The following NOL4 variants were observed in gnomAD, a reference collection of about 807,000 sequenced individuals.
NOL4 encodes the protein cancer/testis antigen 125.
NOL4 carries 17 observed loss-of-function variants against 75.9 expected under a neutral mutation model. The ratio of observed to expected loss-of-function variants is 0.22; its 90% CI spans 0.15 to 0.34. The LOEUF (loss-of-function observed/expected upper bound fraction) is 0.34, where lower values mean the gene tolerates loss of function less well. Ranked by LOEUF, NOL4 falls within the 10% of genes least tolerant of loss-of-function variation. The pLI, the probability that NOL4 is intolerant of heterozygous loss-of-function variation, is 1.00. For synonymous variants in NOL4, 292 were observed against 289.9 expected, an observed-to-expected ratio of 1.01 and a Z score of -0.07; for missense variants, 614 against 793.5, an observed-to-expected ratio of 0.77 and a Z score of 2.72.
chr18:33,872,334 C>A (rs1001880900), intron 10 of NOL4, among the ~76,000 whole-genome samples: 8 of 151,960 alleles, frequency 5.3e-5, no homozygotes, highest in Non-Finnish European at 1.0e-4. Flanking sequence ...ATAACTCACA[C>A]TGGGATTAGT....
intron 9 of NOL4, among the ~76,000 whole-genome samples, chr18:33,890,670 T>C (rs2065040146): frequency 6.6e-6 from 1 of 152,136 alleles, no homozygotes; most frequent in African/African-American, 2.4e-5. Context: ...AAACAATATA[T>C]GTTTCCTTTT....
chr18:34,128,916 T>C, intron 2 of NOL4: 1 of 927,482 alleles, frequency 1.1e-6, no homozygotes, highest in Non-Finnish European at 1.3e-6. Flanking sequence ...TCCAGACTGA[T>C]ATTGTATATC....
intron 5 of NOL4, among the ~76,000 whole-genome samples, chr18:34,070,188 C>T (rs907030029): frequency 6.6e-6 from 1 of 152,208 alleles, no homozygotes; most frequent in Non-Finnish European, 1.5e-5. Flanking sequence ...CCTGCCACTG[C>T]GCCCAGCTAA....
chr18:33,931,444 G>A (rs578201428), intron 9 of NOL4, among the ~76,000 whole-genome samples: 1 of 152,202 alleles, frequency 6.6e-6, no homozygotes, highest in Non-Finnish European at 1.5e-5. Flanking sequence ...ATTTTTTAAA[G>A]TAGTGTCTGA....
intron 2 of NOL4, among the ~76,000 whole-genome samples, chr18:34,115,314 A>T (rs2079801348): frequency 6.6e-6 from 1 of 152,098 alleles, no homozygotes; most frequent in African/African-American, 2.4e-5. Flanking sequence ...TGGGCCAGTC[A>T]CATCCACCAT....
intron 1 of NOL4, among the ~76,000 whole-genome samples, chr18:34,156,099 C>G (rs1201638434): frequency 6.6e-6 from 1 of 152,074 alleles, no homozygotes; most frequent in East Asian, 1.9e-4. Flanking sequence ...TCTTCTGATT[C>G]TTAGTCTTAC....
intron 5 of NOL4, among the ~76,000 whole-genome samples, chr18:34,062,275 C>T (rs907585843): frequency 2.0e-5 from 3 of 151,584 alleles, no homozygotes; most frequent in African/African-American, 7.3e-5. Flanking sequence ...AACAGAAAGA[C>T]TCAAAGGAAC....
At chr18:34,218,827 C>T (rs2037095358) in intron 1 of NOL4, among the ~76,000 whole-genome samples, 1 of 152,178 alleles carries the variant, frequency 6.6e-6, no homozygotes, top group Admixed American at 6.5e-5. Context: ...TGATAAATAA[C>T]TGGGTCTGTA....
intron 1 of NOL4, among the ~76,000 whole-genome samples, chr18:34,179,515 G>GA (rs1004364069): frequency 1.3e-5 from 2 of 150,596 alleles, no homozygotes; most frequent in Middle Eastern, 3.4e-3. Flanking sequence ...CTAAAAGAAT[G>GA]AAAAAAAAGT....
chr18:34,080,604 T>G (rs949373967), intron 5 of NOL4, among the ~76,000 whole-genome samples: 4 of 152,214 alleles, frequency 2.6e-5, no homozygotes, highest in Non-Finnish European at 5.9e-5. Flanking sequence ...GCTGGGCCAC[T>G]GCTACGTCCA....
At chr18:33,943,544 C>A (rs894041102) in intron 8 of NOL4, among the ~76,000 whole-genome samples, 68 of 151,604 alleles carry the variant, frequency 4.5e-4, no homozygotes, top group African/African-American at 1.2e-3. Context: ...ACAAAAAAAA[C>A]CAAAACAAAA....
chr18:34,054,789 T>C (rs868489081), intron 5 of NOL4, among the ~76,000 whole-genome samples: 3 of 151,830 alleles, frequency 2.0e-5, no homozygotes, highest in African/African-American at 7.2e-5. Flanking sequence ...ACTTCTCCTT[T>C]CCTCTCTTAC....
chr18:33,856,732 T>G lies in NOL4; in HGVS notation c.1724-3697A>C, dbSNP rs191729827. 9.1e-4 allele frequency among the ~76,000 whole-genome samples: 138 copies of G among 152,240 alleles called. 2 individuals carry two copies. In the Middle Eastern group the frequency reaches 0.01, roughly 11 times the overall value. Reference sequence around the variant, plus strand: ...AAGGTAGTAAATATTTTAGTCATCTTAAGCCATGAGGCAGAATTGCAGATA... The same window carrying G: ...AAGGTAGTAAATATTTTAGTCATCTGAAGCCATGAGGCAGAATTGCAGATA... On this transcript the variant is annotated intron_variant, in intron 10 of 10. Coordinates refer to ENST00000261592, the MANE Select transcript of NOL4 (RefSeq NM_003787.5).
intron 1 of NOL4, among the ~76,000 whole-genome samples, chr18:34,152,038 A>C (rs562735347): frequency 6.6e-6 from 1 of 151,884 alleles, no homozygotes; most frequent in South Asian, 2.1e-4. Flanking sequence ...TATAATAACG[A>C]AATCTTTGTA....
chr18:34,186,971 T>C (rs2034507691), intron 1 of NOL4, among the ~76,000 whole-genome samples: 1 of 152,200 alleles, frequency 6.6e-6, no homozygotes. Flanking sequence ...TAGCCTCCCC[T>C]GCTATCAACA....
intron 5 of NOL4, among the ~76,000 whole-genome samples, chr18:34,027,914 G>A (rs1490001360): frequency 1.3e-5 from 2 of 152,132 alleles, no homozygotes; most frequent in Non-Finnish European, 2.9e-5. Flanking sequence ...CCCAGATAAT[G>A]AGTATCCTTT....
At chr18:34,195,613 C>T (rs960360454) in intron 1 of NOL4, among the ~76,000 whole-genome samples, 6 of 144,354 alleles carry the variant, frequency 4.2e-5, no homozygotes, top group Admixed American at 3.5e-4. Context: ...GTTTGTAATG[C>T]AAATGTTACT....
At chr18:34,003,976 G>C (rs1272842369) in intron 6 of NOL4, among the ~76,000 whole-genome samples, 1 of 152,010 alleles carries the variant, frequency 6.6e-6, no homozygotes, top group African/African-American at 2.4e-5. Flanking sequence ...CTTTAAGTCT[G>C]ATAAGAGACA....
At chr18:34,116,035 T>G (rs1213059266) in intron 2 of NOL4, among the ~76,000 whole-genome samples, 10 of 152,116 alleles carry the variant, frequency 6.6e-5, no homozygotes, top group Admixed American at 6.6e-4. Context: ...AATTCATCAG[T>G]AAAACAGAAA....
Sources: gnomAD v4.1 joint callset for allele counts (sites outside exome capture counted in the v4.1 genomes callset) on GRCh38, gnomAD v4.1.1 for gene constraint, MANE v1.5 for transcripts, NCBI Gene and HGNC (gene_info 2026-07-23, HGNC 2026-07-21) for gene names.